The following ARMC2 variants were observed in gnomAD, a reference collection of about 807,000 sequenced individuals.
ARMC2 encodes armadillo repeat-containing protein 2.
ARMC2 carries 67 observed loss-of-function variants against 90.3 expected under a neutral mutation model. That is an observed-to-expected ratio of 0.74 (90% confidence interval 0.61 to 0.91). ARMC2 has a LOEUF of 0.91. Among genes scored for constraint, ARMC2 ranks in the 40% least tolerant of loss-of-function variants. ARMC2 has a pLI of 0.00. For synonymous variants in ARMC2, 393 were observed against 393.0 expected, an observed-to-expected ratio of 1.00 and a Z score of 0.00; for missense variants, 920 against 1,030.9, an observed-to-expected ratio of 0.89 and a Z score of 1.47.
chr6:108,943,657 A>G (rs931480346), intron 12 of ARMC2, among the ~76,000 whole-genome samples: 1 of 151,966 alleles, frequency 6.6e-6, no homozygotes, highest in African/African-American at 2.4e-5. Context: ...TGTCTCTACA[A>G]CAACAATTAA....
At chr6:109,032,422 G>T in the ARMC2 span, among the ~76,000 whole-genome samples, 1 of 152,094 alleles carries the variant, frequency 6.6e-6, no homozygotes, top group Admixed American at 6.5e-5. Context: ...TTCAAGACCA[G>T]CCTGGCCAAC....
At chr6:108,909,913 T>C (rs1400707798) in intron 8 of ARMC2, among the ~76,000 whole-genome samples, 1 of 152,192 alleles carries the variant, frequency 6.6e-6, no homozygotes, top group Non-Finnish European at 1.5e-5. Flanking sequence ...AAGAAATATA[T>C]GTATATTATC....
chr6:108,850,340 C>T (rs996121197), intron 1 of ARMC2, among the ~76,000 whole-genome samples: 3 of 152,144 alleles, frequency 2.0e-5, no homozygotes, highest in African/African-American at 4.8e-5. Context: ...TTTAAAAGGT[C>T]CCTTGCCCTC....
At chr6:108,874,577 C>T (rs1211719659) in intron 4 of ARMC2, among the ~76,000 whole-genome samples, 1 of 152,166 alleles carries the variant, frequency 6.6e-6, no homozygotes, top group Non-Finnish European at 1.5e-5. Context: ...ACAATAACTT[C>T]TAGGTTTTGA....
At chr6:108,959,893 C>T (rs1691553385) in intron 13 of ARMC2, among the ~76,000 whole-genome samples, 1 of 152,002 alleles carries the variant, frequency 6.6e-6, no homozygotes, top group South Asian at 2.1e-4. Flanking sequence ...ACCATGTTGT[C>T]CAGGCTGGTC....
At position 108,912,400 on chromosome 6, in the gene ARMC2, A is replaced by T. The variant is rs571304907; in HGVS notation, c.1192A>T (p.Met398Leu). 6.2e-7 allele frequency: 1 copy of T among 1,613,888 alleles called. No homozygotes were observed. Among genetic ancestry groups the T allele is most frequent in the Non-Finnish European group, 8.5e-7 (1 of 1,179,806 alleles). ...TAACATGGAAGCTTTTTTATACTGT[A>T]TGGGGTCTATAAAGTTCATTTCTGG... is the stretch of plus-strand genomic sequence containing the variant. Reference protein sequence around the residue: ...QTNMEAFLYCMGSIKFISGNL... With the variant: ...QTNMEAFLYCLGSIKFISGNL... Residue 398 changes from methionine to leucine, a missense_variant, in exon 10 of 18, where the codon ATG (methionine) becomes TTG (leucine). Transcript: ENST00000392644.
intron 12 of ARMC2, among the ~76,000 whole-genome samples, chr6:108,941,652 G>A (rs73514350): frequency 1.3e-3 from 192 of 152,272 alleles, no homozygotes; most frequent in African/African-American, 4.4e-3. Context: ...TACTTTGTAG[G>A]CATTTGTCAG....
chr6:109,005,393 C>A, the ARMC2 span, among the ~76,000 whole-genome samples: 1 of 152,090 alleles, frequency 6.6e-6, no homozygotes, highest in African/African-American at 2.4e-5. Context: ...AATTTCTAGG[C>A]CTTTATCTTA....
At chr6:108,982,889 CA>C in the ARMC2 span, among the ~76,000 whole-genome samples, 43 of 149,778 alleles carry the variant, frequency 2.9e-4, no homozygotes, top group Non-Finnish European at 1.5e-4. Flanking sequence ...GGCGCGATCT[CA>C]GCTCACTGCA....
chr6:109,051,360 T>C, the ARMC2 span, among the ~76,000 whole-genome samples: 81 of 152,250 alleles, frequency 5.3e-4, no homozygotes, highest in Non-Finnish European at 9.4e-4. Flanking sequence ...CAGTGAAAAA[T>C]GTAACACATC....
chr6:108,919,809 A>G (rs1479710320), intron 10 of ARMC2, among the ~76,000 whole-genome samples: 1 of 151,948 alleles, frequency 6.6e-6, no homozygotes, highest in African/African-American at 2.4e-5. Context: ...AGAGGGAACC[A>G]TTTTTCTGAT....
chr6:109,033,097 T>C, the ARMC2 span, among the ~76,000 whole-genome samples: 3 of 152,076 alleles, frequency 2.0e-5, no homozygotes, highest in Non-Finnish European at 2.9e-5. Flanking sequence ...CAAGGGATTA[T>C]TAAAAATGTT....
At chr6:109,028,152 TC>T in the ARMC2 span, among the ~76,000 whole-genome samples, 16,524 of 152,138 alleles carry the variant, frequency 0.11, 1,021 homozygotes, top group Middle Eastern at 0.19. Context: ...AAACTTTTTT[TC>T]CCCATCTGTT....
At chr6:109,030,698 T>C in the ARMC2 span, among the ~76,000 whole-genome samples, 1 of 152,234 alleles carries the variant, frequency 6.6e-6, no homozygotes, top group Admixed American at 6.5e-5. Flanking sequence ...GAAATGATTA[T>C]GGTTCTACCT....
intron 1 of ARMC2, 80 bp from the exon 2 acceptor site, chr6:108,854,145 G>A: frequency 2.9e-6 from 2 of 687,178 alleles, no homozygotes; most frequent in Non-Finnish European, 4.8e-6. Flanking sequence ...GAATGATTTA[G>A]TATATGGATG....
At chr6:109,028,574 G>A in the ARMC2 span, among the ~76,000 whole-genome samples, 30 of 152,054 alleles carry the variant, frequency 2.0e-4, no homozygotes, top group Non-Finnish European at 4.1e-4. Flanking sequence ...CCTTTCTTCC[G>A]GGCAATACTA....
At chr6:109,016,092 T>A in the ARMC2 span, among the ~76,000 whole-genome samples, 5 of 152,332 alleles carry the variant, frequency 3.3e-5, no homozygotes, top group East Asian at 9.6e-4. Flanking sequence ...CTAATCCCAT[T>A]TAACCATAGG....
At chr6:108,932,313 G>A (rs1004939132) in intron 11 of ARMC2, among the ~76,000 whole-genome samples, 3 of 151,542 alleles carry the variant, frequency 2.0e-5, no homozygotes, top group East Asian at 1.9e-4. Context: ...ATCTTTGCCC[G>A]TTCCTATGTC....
the ARMC2 span, among the ~76,000 whole-genome samples, chr6:109,041,443 G>T: frequency 9.2e-5 from 14 of 152,046 alleles, no homozygotes; most frequent in Non-Finnish European, 1.9e-4. Context: ...CCACTAACAA[G>T]TAACTATTAA....
Sources: gnomAD v4.1 joint callset for allele counts (sites outside exome capture counted in the v4.1 genomes callset) on GRCh38, gnomAD v4.1.1 for gene constraint, MANE v1.5 for transcripts, NCBI Gene and HGNC (gene_info 2026-07-23, HGNC 2026-07-21) for gene names.